KLHL32: variants seen among roughly 807,000 people sequenced by gnomAD.
KLHL32 encodes kelch like family member 32.
KLHL32 carries 35 observed loss-of-function variants against 64.8 expected under a neutral mutation model. The observed-to-expected ratio is 0.54, with a 90% CI of 0.41 to 0.72. KLHL32 has a LOEUF of 0.72. Ranked by LOEUF, KLHL32 falls within the 30% of genes least tolerant of loss-of-function variation. The pLI, the probability that KLHL32 is intolerant of heterozygous loss-of-function variation, is 0.00. For synonymous variants in KLHL32, 259 were observed against 281.0 expected (o/e 0.92, Z 0.78); for missense variants, 589 against 768.5 (o/e 0.77, Z 2.76).
intron 2 of KLHL32, among the ~76,000 whole-genome samples, chr6:96,969,390 C>G (rs778595979): frequency 9.2e-5 from 14 of 152,142 alleles, no homozygotes; most frequent in Non-Finnish European, 1.6e-4. Flanking sequence ...CCAACCCATC[C>G]AGTCTTTCCT....
At chr6:97,005,774 A>G (rs1273724534) in intron 3 of KLHL32, among the ~76,000 whole-genome samples, 1 of 152,082 alleles carries the variant, frequency 6.6e-6, no homozygotes, top group East Asian at 1.9e-4. Flanking sequence ...TAATTTCCAT[A>G]TAATTGTGTG....
intron 3 of KLHL32, among the ~76,000 whole-genome samples, chr6:97,009,288 G>A (rs1462337588): frequency 6.6e-6 from 1 of 151,942 alleles, no homozygotes; most frequent in East Asian, 1.9e-4. Context: ...CTATTCAGCA[G>A]AGACAATTTT....
At chr6:96,935,409 C>G (rs1562171502) in intron 1 of KLHL32, among the ~76,000 whole-genome samples, 2 of 152,134 alleles carry the variant, frequency 1.3e-5, no homozygotes, top group Admixed American at 6.5e-5. Flanking sequence ...CCTTTTCCCC[C>G]CATAAAGTAA....
chr6:96,958,850 T>A (rs1021523536), intron 1 of KLHL32, among the ~76,000 whole-genome samples: 29 of 148,614 alleles, frequency 2.0e-4, no homozygotes, highest in African/African-American at 6.7e-4. Flanking sequence ...CACCCTAAGT[T>A]ATGCAGAAGG....
chr6:96,994,171 T>C (rs1348359858), intron 3 of KLHL32, among the ~76,000 whole-genome samples: 4 of 152,216 alleles, frequency 2.6e-5, no homozygotes, highest in East Asian at 1.9e-4. Context: ...CTCCCAACAG[T>C]CACATGCCCT....
chr6:97,128,755 T>A (rs1799133550), intron 8 of KLHL32, among the ~76,000 whole-genome samples: 1 of 152,242 alleles, frequency 6.6e-6, no homozygotes. Flanking sequence ...CCACCAGGCC[T>A]CTCTGTTTCT....
rs1773977917 is a variant in KLHL32 at position 96,962,410 on chromosome 6, G to A, written c.-65-4586G>A. On this transcript the variant is annotated intron_variant, in intron 1 of 10. Transcript: ENST00000369261. ...AATTGCTGTATTTTAAGAAATTTTT[G>A]CTGTGTTTCTGGGGGTTAATGCCCA... Among the ~76,000 whole-genome samples, 6 of 152,090 alleles carry A rather than the reference G, an allele frequency of 3.9e-5. No homozygotes were observed. In the South Asian group the frequency reaches 1.2e-3, roughly 32 times the overall value.
At chr6:97,016,360 G>A (rs562800804) in intron 3 of KLHL32, among the ~76,000 whole-genome samples, 2 of 152,386 alleles carry the variant, frequency 1.3e-5, no homozygotes, top group South Asian at 4.1e-4. Context: ...TCTTGCATCA[G>A]TGTGCCTTAG....
chr6:97,043,382 T>G lies in KLHL32; in HGVS notation c.312+1783T>G, dbSNP rs547172585. Among the ~76,000 whole-genome samples, 9 of 152,326 alleles carry G rather than the reference T, an allele frequency of 5.9e-5. No individual in the cohort carries two copies. In the South Asian group the frequency reaches 1.9e-3, roughly 32 times the overall value. ...TGTCCTCAAAGTTCATCCATGTCAT[T>G]GCAAATGACAGGATTTATCTGCTTC... On this transcript the variant is annotated intron_variant, in intron 4 of 10. Transcript: ENST00000369261.
chr6:96,935,581 G>C (rs1194464614), intron 1 of KLHL32, among the ~76,000 whole-genome samples: 1 of 152,130 alleles, frequency 6.6e-6, no homozygotes, highest in African/African-American at 2.4e-5. Context: ...TCATTAGGTG[G>C]TTAGTATTGG....
intron 7 of KLHL32, among the ~76,000 whole-genome samples, chr6:97,124,084 G>C (rs1382379068): frequency 6.6e-6 from 1 of 152,156 alleles, no homozygotes; most frequent in Non-Finnish European, 1.5e-5. Flanking sequence ...TGCAAACTGG[G>C]ATGCTTTTTT....
intron 3 of KLHL32, among the ~76,000 whole-genome samples, chr6:97,013,425 T>G (rs1780674268): frequency 6.6e-6 from 1 of 152,178 alleles, no homozygotes; most frequent in Non-Finnish European, 1.5e-5. Flanking sequence ...AAAAATCACT[T>G]GATATAATAT....
the KLHL32 span, among the ~76,000 whole-genome samples, chr6:96,919,430 C>T: frequency 3.3e-5 from 5 of 152,142 alleles, no homozygotes; most frequent in African/African-American, 1.2e-4. Flanking sequence ...TCTATGCTGA[C>T]CAAACGTTGA....
upstream of KLHL32, among the ~76,000 whole-genome samples, chr6:96,923,446 G>C (rs1768826144): frequency 6.6e-6 from 1 of 152,148 alleles, no homozygotes; most frequent in Admixed American, 6.5e-5. Context: ...TCTTTCCCTT[G>C]TCCTATGCTG....
At chr6:97,106,537 G>A (rs1422137269) in intron 6 of KLHL32, among the ~76,000 whole-genome samples, 1 of 152,116 alleles carries the variant, frequency 6.6e-6, no homozygotes, top group East Asian at 1.9e-4. Context: ...GAGGTCGGTA[G>A]TTTGAGACCA....
At chr6:97,033,807 C>T (rs1297229997) in intron 3 of KLHL32, among the ~76,000 whole-genome samples, 1 of 151,950 alleles carries the variant, frequency 6.6e-6, no homozygotes, top group Non-Finnish European at 1.5e-5. Context: ...ATACCTGTTG[C>T]CCATTTGTAT....
chr6:97,102,417 C>G (rs1795850692), intron 6 of KLHL32, among the ~76,000 whole-genome samples: 1 of 152,034 alleles, frequency 6.6e-6, no homozygotes, highest in South Asian at 2.1e-4. Context: ...TTGGTTTTCT[C>G]TCATTTTCCA....
At chr6:96,937,905 T>C (rs1027288670) in intron 1 of KLHL32, among the ~76,000 whole-genome samples, 3 of 152,324 alleles carry the variant, frequency 2.0e-5, no homozygotes, top group East Asian at 1.9e-4. Flanking sequence ...CATAGCTTGA[T>C]TGGTCTCAAA....
intron 3 of KLHL32, among the ~76,000 whole-genome samples, chr6:97,003,084 C>T (rs1562233250): frequency 6.6e-6 from 1 of 152,206 alleles, no homozygotes; most frequent in Non-Finnish European, 1.5e-5. Flanking sequence ...GTTCTGTCCA[C>T]AATGGCTAAA....
Sources: allele counts gnomAD v4.1 joint callset (sites outside exome capture counted in the v4.1 genomes callset), GRCh38; gene constraint gnomAD v4.1.1; transcripts MANE v1.5; gene names NCBI Gene and HGNC (gene_info 2026-07-23, HGNC 2026-07-21).